The following C1orf210 variants were observed in gnomAD, a reference collection of about 807,000 sequenced individuals.
C1orf210 encodes the protein chromosome 1 open reading frame 210.
In C1orf210, 3 loss-of-function variants were observed where a neutral mutation model predicts 3.7. The observed-to-expected ratio is 0.81, with a 90% confidence interval of 0.37 to 2.08. The LOEUF is 2.08. C1orf210 is among the 30% of genes most tolerant of loss of function. The probability of loss-of-function intolerance (pLI) is 0.06; values close to 1 mark genes in which losing one functional copy is unlikely to be tolerated. For missense variants in C1orf210, 143 were observed against 147.7 expected (o/e 0.97, Z 0.17); for synonymous variants, 62 against 61.7 (o/e 1.00, Z -0.02).
chr1:43,282,733 G>C lies in C1orf210; in HGVS notation c.*52C>G. The stretch of plus-strand genomic sequence containing the variant: ...TCAAGGCCCCCATGTCATAACCACT[G>C]TCCTTAAGCTGTCAGGCATGGAGGG... On this transcript the variant is annotated 3_prime_UTR_variant, in exon 3 of 3. Coordinates refer to ENST00000523677, the MANE Select transcript of C1orf210 (RefSeq NM_182517.3). 7 of 1,495,608 alleles carry C rather than the reference G, an allele frequency of 4.7e-6. No homozygotes were observed. Among genetic ancestry groups the C allele is most frequent in the South Asian group, 1.3e-5 (1 of 78,908 alleles). 92.6% of individuals were successfully genotyped at this position (1,495,608 alleles called of 1,614,324 possible).
At chr1:43,285,798 C>G (rs116370544), upstream of C1orf210, among the ~76,000 whole-genome samples, 3,838 of 152,148 alleles carry the variant, frequency 0.025, 66 homozygotes, top group Middle Eastern at 0.1. Flanking sequence ...CCAATGCTTG[C>G]GGTTTGTACA....
upstream of C1orf210, among the ~76,000 whole-genome samples, chr1:43,285,832 G>A (rs1057453047): frequency 3.3e-5 from 5 of 152,358 alleles, no homozygotes; most frequent in Middle Eastern, 3.4e-3. Context: ...GAAGCGTCCA[G>A]CGGGCCCTAG....
rs1480015340 is a variant in C1orf210 at position 43,285,532 on chromosome 1, G to A, written c.-187C>T. On this transcript the variant is annotated 5_prime_UTR_variant, in exon 1 of 3. Transcript: ENST00000523677. ...GGGTACCCCCTCCCCGGCCCCCCCG[G>A]GCCTTCTCTTCTGTTCCCACCTTCA... 1 of 152,496 alleles carries A rather than the reference G, an allele frequency of 6.6e-6. No homozygotes were observed. Among genetic ancestry groups the A allele is most frequent in the Non-Finnish European group, 1.5e-5 (1 of 68,298 alleles). The allele number at this position is 152,496 out of a possible 1,614,324, so 9.4% of individuals were successfully genotyped here.
intron 1 of C1orf210, among the ~76,000 whole-genome samples, chr1:43,284,685 A>G (rs1646569089): frequency 6.6e-6 from 1 of 152,116 alleles, no homozygotes; most frequent in African/African-American, 2.4e-5. Flanking sequence ...CATGCCCCAC[A>G]GTGCCTTGCA....
At chr1:43,284,776 G>GC (rs1248846897) in intron 1 of C1orf210, among the ~76,000 whole-genome samples, 1 of 152,074 alleles carries the variant, frequency 6.6e-6, no homozygotes, top group Non-Finnish European at 1.5e-5. Context: ...AGACACACAT[G>GC]CCCTCCTCCC....
At chr1:43,283,745 G>A (rs1234263295) in intron 1 of C1orf210, among the ~76,000 whole-genome samples, 1 of 152,176 alleles carries the variant, frequency 6.6e-6, no homozygotes, top group Non-Finnish European at 1.5e-5. Context: ...TTCGAACCCA[G>A]AGCCCAGTCT....
At position 43,283,087 on chromosome 1, in the gene C1orf210, G is replaced by C. The variant is rs1373504691; in HGVS notation, c.40C>G (p.Leu14Val). The C allele has an allele frequency of 6.2e-7, 1 of 1,613,334 alleles. No homozygotes were observed. The highest frequency in any genetic ancestry group is 8.5e-7 in the Non-Finnish European group (1 of 1,179,556). ...TNKTLVGPSE[L>V]PTASAVAPGP... Reference sequence around the variant, plus strand: ...GGGGCCACAGCAGACGCTGTGGGGAGCTCCGAAGGCCCAACAAGTGCTGCA... The same window carrying C: ...GGGGCCACAGCAGACGCTGTGGGGACCTCCGAAGGCCCAACAAGTGCTGCA... The change falls in exon 3 of 3, where the codon CTC (leucine) becomes GTC (valine). Residue 14 changes from leucine (L) to valine (V), a missense_variant. Coordinates refer to ENST00000523677, the MANE Select transcript of C1orf210 (RefSeq NM_182517.3).
Position 43,282,838 on chromosome 1 carries a change from G to C in C1orf210, c.289C>G (p.Pro97Ala). The C allele has an allele frequency of 6.2e-7, 1 of 1,613,818 alleles. No homozygotes were observed. Among genetic ancestry groups the C allele is most frequent in the Non-Finnish European group, 8.5e-7 (1 of 1,179,770 alleles). Reference protein sequence around the residue: ...DGFIEDNYIQPGTGELGTEGS... With the variant: ...DGFIEDNYIQAGTGELGTEGS... ...TCTGTCCCCAGCTCGCCAGTCCCAG[G>C]CTGAATGTAATTGTCCTCGATGAAG... Residue 97 changes from proline (P) to alanine (A), a missense_variant, in exon 3 of 3, where the codon CCT becomes GCT. Pro to Ala is a conservative substitution (Grantham distance 27). Coordinates refer to ENST00000523677, the MANE Select transcript of C1orf210 (RefSeq NM_182517.3).
Position 43,283,001 on chromosome 1 carries a change from C to A in C1orf210, c.126G>T (p.Val42=), listed in dbSNP as rs745885141. 6.2e-7 allele frequency: 1 copy of A among 1,614,080 alleles called. No individual in the cohort carries two copies. Among genetic ancestry groups the A allele is most frequent in the Non-Finnish European group, 8.5e-7 (1 of 1,179,950 alleles). The change falls in exon 3 of 3, where the codon GTG becomes GTT. Residue 42 remains valine, a synonymous_variant. Coordinates refer to ENST00000523677, the MANE Select transcript of C1orf210 (RefSeq NM_182517.3). Reference sequence around the variant, plus strand: ...CAAGTGCAATGAGGAGCGAGAGGACCACAGCCCCCAGCACAAATCCTACCA... The same window carrying A: ...CAAGTGCAATGAGGAGCGAGAGGACAACAGCCCCCAGCACAAATCCTACCA... The part of the protein sequence containing the change: ...PVLVGFVLGA[V]VLSLLIALAA...
chr1:43,285,368 C>G (rs934577719), intron 1 of C1orf210, 76 bp downstream of exon 1: 1 of 152,538 alleles, frequency 6.6e-6, no homozygotes, highest in African/African-American at 2.4e-5. Context: ...GCCCATCCCC[C>G]ATACGCACAG....
chr1:43,283,089 TCCGAAGGCCCAACAAGTG>T lies in C1orf210; in HGVS notation c.20_37del (p.Thr7_Glu13delinsLys). 3 of 1,613,050 alleles carry T rather than the reference TCCGAAGGCCCAACAAGTG, an allele frequency of 1.9e-6. No homozygotes were observed. Among genetic ancestry groups the T allele is most frequent in the Non-Finnish European group, 2.5e-6 (3 of 1,179,460 alleles). On this transcript the variant is annotated inframe_deletion and splice_region_variant, in exon 3 of 3. Coordinates refer to ENST00000523677, the MANE Select transcript of C1orf210 (RefSeq NM_182517.3). The stretch of plus-strand genomic sequence containing the variant: ...GGCCACAGCAGACGCTGTGGGGAGC[TCCGAAGGCCCAACAAGTG>T]CTGCAGAGAAAGGGACAGCATTATA...
chr1:43,284,141 G>A (rs1646564511), intron 1 of C1orf210, among the ~76,000 whole-genome samples: 2 of 152,206 alleles, frequency 1.3e-5, no homozygotes, highest in South Asian at 2.1e-4. Context: ...TCAATTAGGG[G>A]AGTAGCTGGA....
At chr1:43,284,156 G>C (rs752721456) in intron 1 of C1orf210, among the ~76,000 whole-genome samples, 3 of 152,184 alleles carry the variant, frequency 2.0e-5, no homozygotes, top group Admixed American at 6.5e-5. Flanking sequence ...GCTGGAGGAA[G>C]ATCATCCAGG....
rs1469926715 is a variant in C1orf210 at position 43,282,817 on chromosome 1, T to C, written c.310A>G (p.Thr104Ala). 1 of 1,609,912 alleles carries C rather than the reference T, an allele frequency of 6.2e-7. No individual in the cohort carries two copies. ...YIQPGTGELG[T>A]EGSRDHFSL is the part of the protein sequence containing the mutation. ...GAGAAGTGGTCCCTGCTACCCTCTG[T>C]CCCCAGCTCGCCAGTCCCAGGCTGA... Residue 104 changes from threonine to alanine, a missense_variant, in exon 3 of 3, where the codon ACA (threonine) becomes GCA (alanine). By Grantham distance (58) the Thr-to-Ala change is moderately conservative (BLOSUM62 0). Transcript: ENST00000523677.
chr1:43,282,980 T>A lies in C1orf210; in HGVS notation c.147A>T (p.Ala49=), dbSNP rs753168485. ...GGCAGAGGTGGCATTTGGCAGCAAG[T>A]GCAATGAGGAGCGAGAGGACCACAG... ...LGAVVLSLLI[A]LAAKCHLCRR... The change falls in exon 3 of 3, where the codon GCA becomes GCT. Residue 49 remains alanine (A), a synonymous_variant. Transcript: ENST00000523677. 1 of 1,613,952 alleles carries A rather than the reference T, an allele frequency of 6.2e-7. No individual in the cohort carries two copies.
upstream of C1orf210, chr1:43,285,610 G>A (rs1646575309): frequency 6.6e-6 from 1 of 152,370 alleles, no homozygotes; most frequent in Non-Finnish European, 1.5e-5. Context: ...GGCAGAACCT[G>A]GACAGGTGGG....
At position 43,282,915 on chromosome 1, in the gene C1orf210, T is replaced by G. The variant is rs1646555811; in HGVS notation, c.212A>C (p.Glu71Ala). The G allele has an allele frequency of 6.2e-7, 1 of 1,614,028 alleles. No homozygotes were observed. Among genetic ancestry groups the G allele is most frequent in the South Asian group, 1.1e-5 (1 of 91,096 alleles). ...HASYRHRPLP[E>A]TGRGGRPQVA... is the part of the protein sequence containing the mutation. ...CTGTGGGCGGCCTCCCCTTCCTGTCTCAGGCAGTGGGCGGTGCCGGTAGCT... is the reference window on the plus strand; with the variant it reads ...CTGTGGGCGGCCTCCCCTTCCTGTCGCAGGCAGTGGGCGGTGCCGGTAGCT... The change falls in exon 3 of 3, where the codon GAG becomes GCG. Residue 71 changes from glutamate to alanine, a missense_variant. Coordinates refer to ENST00000523677, the MANE Select transcript of C1orf210 (RefSeq NM_182517.3).
chr1:43,283,170 G>T (rs959416950), intron 2 of C1orf210, 63 bp from the exon 3 acceptor site: 21 of 1,595,670 alleles, frequency 1.3e-5, no homozygotes, highest in Non-Finnish European at 1.6e-5. Flanking sequence ...GAAACCAAGA[G>T]CAGTGCAGGT....
In C1orf210 at chr1:43,283,058, G is replaced by C; in HGVS notation, c.69C>G (p.Gly23=). 1 of 1,614,112 alleles carries C rather than the reference G, an allele frequency of 6.2e-7. No homozygotes were observed. Among genetic ancestry groups the C allele is most frequent in the South Asian group, 1.1e-5 (1 of 91,082 alleles). Residue 23 remains glycine, a synonymous_variant, in exon 3 of 3, where the codon GGC becomes GGG. Coordinates refer to ENST00000523677, the MANE Select transcript of C1orf210 (RefSeq NM_182517.3). The part of the protein sequence containing the change: ...ELPTASAVAP[G]PGTGARAWPV... The stretch of plus-strand genomic sequence containing the variant: ...GCCATGCCCGAGCCCCAGTGCCTGG[G>C]CCAGGGGCCACAGCAGACGCTGTGG...
Sources: gnomAD v4.1 joint callset for allele counts (sites outside exome capture counted in the v4.1 genomes callset) on GRCh38, gnomAD v4.1.1 for gene constraint, MANE v1.5 for transcripts, NCBI Gene and HGNC (gene_info 2026-07-23, HGNC 2026-07-21) for gene names.